OR2C1: variants seen among roughly 807,000 people sequenced by gnomAD.
OR2C1 encodes olfactory receptor 2C1.
For missense variants in OR2C1, 468 were observed against 388.3 expected (o/e 1.21, Z -1.73); for synonymous variants, 209 against 167.3 (o/e 1.25, Z -1.92).
rs920492096 is a variant in OR2C1 at position 3,356,823 on chromosome 16, A to T, written c.883A>T (p.Met295Leu). The change falls in exon 1 of 1, where the codon ATG becomes TTG. Residue 295 changes from methionine to leucine, a missense_variant. By Grantham distance (15) the Met-to-Leu change is conservative (BLOSUM62 2). Transcript: ENST00000304936. ...VNPLIYTLRN[M>L]EVKGALRRLL... is the part of the protein sequence containing the mutation. ...TCCCCTCATCTACACGCTGCGGAAC[A>T]TGGAAGTGAAGGGCGCACTGAGGAG... 1 of 1,613,524 alleles carries T rather than the reference A, an allele frequency of 6.2e-7. No individual in the cohort carries two copies. The highest frequency in any genetic ancestry group is 8.5e-7 in the Non-Finnish European group (1 of 1,179,608).
the OR2C1 span, among the ~76,000 whole-genome samples, chr16:3,341,579 C>A: frequency 6.6e-6 from 1 of 152,150 alleles, no homozygotes; most frequent in Non-Finnish European, 1.5e-5. Flanking sequence ...TTCACAACCC[C>A]CTCCTAAGAT....
At chr16:3,329,472 CAG>C in the OR2C1 span, among the ~76,000 whole-genome samples, 1 of 152,044 alleles carries the variant, frequency 6.6e-6, no homozygotes, top group Non-Finnish European at 1.5e-5. Flanking sequence ...TATTTTGAGA[CAG>C]AGTCTCGCTC....
chr16:3,329,266 G>A, the OR2C1 span, among the ~76,000 whole-genome samples: 1 of 151,216 alleles, frequency 6.6e-6, no homozygotes, highest in Non-Finnish European at 1.5e-5. Flanking sequence ...CTGCATTTGT[G>A]TGAGAAGGAG....
At chr16:3,332,360 C>T in the OR2C1 span, among the ~76,000 whole-genome samples, 11 of 151,972 alleles carry the variant, frequency 7.2e-5, no homozygotes, top group South Asian at 2.1e-4. Flanking sequence ...CCTCCCAAAG[C>T]GCTGGGATTA....
In OR2C1 at chr16:3,356,422, C is replaced by T; in HGVS notation, c.482C>T (p.Thr161Ile). Reference protein sequence around the residue: ...GGLGNSVIQSTFTLQLPLCGH... With the variant: ...GGLGNSVIQSIFTLQLPLCGH... ...TTGGGCAACTCTGTGATCCAGTCAA[C>T]ATTCACTCTGCAGCTCCCATTGTGT... Residue 161 changes from threonine (T) to isoleucine (I), a missense_variant, in exon 1 of 1, where the codon ACA (threonine) becomes ATA (isoleucine). By Grantham distance (89) the Thr-to-Ile change is moderately conservative (BLOSUM62 -1). Coordinates refer to ENST00000304936, the MANE Select transcript of OR2C1 (RefSeq NM_012368.3). 6.2e-7 allele frequency: 1 copy of T among 1,613,938 alleles called. No homozygotes were observed. The highest frequency in any genetic ancestry group is 8.5e-7 in the Non-Finnish European group (1 of 1,180,032).
the OR2C1 span, among the ~76,000 whole-genome samples, chr16:3,338,923 A>G: frequency 6.6e-6 from 1 of 152,202 alleles, no homozygotes; most frequent in Non-Finnish European, 1.5e-5. Context: ...GTACATACAC[A>G]ATGTTGTTTA....
the OR2C1 span, among the ~76,000 whole-genome samples, chr16:3,326,289 A>G: frequency 6.6e-6 from 1 of 151,890 alleles, no homozygotes; most frequent in Admixed American, 6.6e-5. Context: ...CTCACCCTAC[A>G]CCAGGCAAAA....
rs1334174827 is a variant in OR2C1 at position 3,356,302 on chromosome 16, AC to A, written c.364del (p.Arg122AlafsTer15). 9 of 1,613,388 alleles carry A rather than the reference AC, an allele frequency of 5.6e-6. No individual in the cohort carries two copies. The East Asian group carries it at 1.8e-4, about 32-fold the overall frequency. On this transcript the variant is annotated frameshift_variant, in exon 1 of 1. Coordinates refer to ENST00000304936, the MANE Select transcript of OR2C1 (RefSeq NM_012368.3). LOFTEE classifies it low-confidence loss of function (END_TRUNC). ...ATCCTGCTGGTGGTGATGGCATTTG[AC>A]CGCTACGTGGCAGTGTGCCGGCCCC... ...ECILLVVMAF[D>X]RYVAVCRPLR...
the OR2C1 span, among the ~76,000 whole-genome samples, chr16:3,346,413 G>A: frequency 6.6e-6 from 1 of 152,148 alleles, no homozygotes; most frequent in Admixed American, 6.5e-5. Context: ...GCTGGACTCT[G>A]AGGTTGGCTT....
At chr16:3,327,663 C>A in the OR2C1 span, among the ~76,000 whole-genome samples, 1 of 149,246 alleles carries the variant, frequency 6.7e-6, no homozygotes, top group Non-Finnish European at 1.5e-5. Flanking sequence ...ACTAAGTAAT[C>A]TACTCCTGCA....
In OR2C1 at chr16:3,356,496, A is replaced by C; in HGVS notation, c.556A>C (p.Lys186Gln). 2 of 1,614,132 alleles carry C rather than the reference A, an allele frequency of 1.2e-6. No individual in the cohort carries two copies. The highest frequency in any genetic ancestry group is 1.7e-6 in the Non-Finnish European group (2 of 1,180,032). ...CCTCTGCGAGGTGCCTGCCATGATC[A>C]AACTGGCCTGTGGCGACACAAGTCT... The part of the protein sequence containing the change: ...GFLCEVPAMI[K>Q]LACGDTSLNQ... The change falls in exon 1 of 1, where the codon AAA becomes CAA. Residue 186 changes from lysine to glutamine, a missense_variant. Coordinates refer to ENST00000304936, the MANE Select transcript of OR2C1 (RefSeq NM_012368.3).
chr16:3,344,284 A>G, the OR2C1 span, among the ~76,000 whole-genome samples: 1 of 152,084 alleles, frequency 6.6e-6, no homozygotes, highest in Admixed American at 6.6e-5. Flanking sequence ...ATGAAGAGAA[A>G]AGTAAGCAGA....
chr16:3,347,579 T>A, the OR2C1 span, among the ~76,000 whole-genome samples: 1 of 151,928 alleles, frequency 6.6e-6, no homozygotes, highest in African/African-American at 2.4e-5. Flanking sequence ...TTTCTTTCCT[T>A]CCAGAGATTC....
chr16:3,352,252 GACTACAGGCGCCCACC>G (rs2030583861), upstream of OR2C1, among the ~76,000 whole-genome samples: 1 of 151,958 alleles, frequency 6.6e-6, no homozygotes, highest in Admixed American at 6.6e-5. Flanking sequence ...GAGTAGCTGG[GACTACAGGCGCCCACC>G]ACCACGCCCG....
the OR2C1 span, among the ~76,000 whole-genome samples, chr16:3,347,246 CAAAAAAA>C: frequency 4.7e-5 from 3 of 64,486 alleles, no homozygotes; most frequent in African/African-American, 1.3e-4. Flanking sequence ...GACTCTGTCT[CAAAAAAA>C]AAAAAAAAAA....
chr16:3,328,058 T>C, the OR2C1 span, among the ~76,000 whole-genome samples: 1 of 152,346 alleles, frequency 6.6e-6, no homozygotes, highest in South Asian at 2.1e-4. Flanking sequence ...CATGCTTCCT[T>C]GTAATGAGGA....
chr16:3,332,864 A>G, the OR2C1 span, among the ~76,000 whole-genome samples: 1 of 152,104 alleles, frequency 6.6e-6, no homozygotes, highest in Non-Finnish European at 1.5e-5. Context: ...TCTTCAATAT[A>G]TTGACTTCCT....
chr16:3,355,045 GT>G (rs2030638296), upstream of OR2C1, among the ~76,000 whole-genome samples: 1 of 152,058 alleles, frequency 6.6e-6, no homozygotes, highest in African/African-American at 2.4e-5. Flanking sequence ...AGTTCTTGGG[GT>G]CTTTTGGTTT....
chr16:3,338,538 C>CTTTTTTTGTTTTTTT, the OR2C1 span, among the ~76,000 whole-genome samples: 1 of 103,288 alleles, frequency 9.7e-6, no homozygotes, highest in South Asian at 3.5e-4. Flanking sequence ...GTATAGGTAC[C>CTTTTTTTGTTTTTTT]TTTTTTTTTT....
Sources: allele counts gnomAD v4.1 joint callset (sites outside exome capture counted in the v4.1 genomes callset), GRCh38; gene constraint gnomAD v4.1.1; transcripts MANE v1.5; gene names NCBI Gene and HGNC (gene_info 2026-07-23, HGNC 2026-07-21).